ARHGAP31: variants seen among roughly 807,000 people sequenced by gnomAD.
ARHGAP31 encodes Rho GTPase activating protein 31.
In ARHGAP31, 34 loss-of-function variants were observed where a neutral mutation model predicts 113.9. The observed-to-expected ratio is 0.30, with a 90% CI of 0.23 to 0.40. ARHGAP31 has a LOEUF of 0.40. ARHGAP31 is among the 10% of genes least tolerant of loss of function. The pLI, the probability that ARHGAP31 is intolerant of heterozygous loss-of-function variation, is 1.00. For synonymous variants in ARHGAP31, 650 were observed against 684.8 expected (o/e 0.95, Z 0.79); for missense variants, 1,548 against 1,767.1 (o/e 0.88, Z 2.22).
chr3:119,296,678 T>C (rs989841931), intron 1 of ARHGAP31, among the ~76,000 whole-genome samples: 4 of 152,174 alleles, frequency 2.6e-5, no homozygotes, highest in East Asian at 3.9e-4. Context: ...TATGAAGATA[T>C]GTCAAAGGCA....
intron 6 of ARHGAP31, among the ~76,000 whole-genome samples, chr3:119,387,033 G>A (rs2080457335): frequency 1.3e-5 from 2 of 152,174 alleles, no homozygotes; most frequent in Admixed American, 1.3e-4. Context: ...ATAACTGCGG[G>A]CGAGCCTGAC....
intron 1 of ARHGAP31, among the ~76,000 whole-genome samples, chr3:119,330,546 A>G (rs563677752): frequency 5.3e-5 from 8 of 152,106 alleles, no homozygotes; most frequent in African/African-American, 9.7e-5. Flanking sequence ...TCCACCATCA[A>G]TTAGTAAACT....
At chr3:119,356,607 G>T (rs972022737) in intron 1 of ARHGAP31, among the ~76,000 whole-genome samples, 4 of 151,382 alleles carry the variant, frequency 2.6e-5, no homozygotes, top group African/African-American at 9.7e-5. Flanking sequence ...CCCCAGCCTG[G>T]GTGACAGAGT....
At chr3:119,300,174 A>G (rs2079568192) in intron 1 of ARHGAP31, among the ~76,000 whole-genome samples, 1 of 152,234 alleles carries the variant, frequency 6.6e-6, no homozygotes, top group Non-Finnish European at 1.5e-5. Context: ...CAGTGTCCTC[A>G]CTCATGAAAT....
At chr3:119,392,874 G>T (rs1309534775) in intron 7 of ARHGAP31, among the ~76,000 whole-genome samples, 2 of 152,194 alleles carry the variant, frequency 1.3e-5, no homozygotes, top group South Asian at 4.1e-4. Context: ...GCCTGTGGAT[G>T]TCCCAGCAGT....
intron 1 of ARHGAP31, among the ~76,000 whole-genome samples, chr3:119,323,973 G>A (rs1412447445): frequency 6.6e-6 from 1 of 152,070 alleles, no homozygotes; most frequent in Non-Finnish European, 1.5e-5. Flanking sequence ...GAGACAGAGG[G>A]TACACTCGTA....
intron 3 of ARHGAP31, 130 bp downstream of exon 3, chr3:119,368,646 T>A: frequency 8.3e-7 from 1 of 1,205,848 alleles, no homozygotes; most frequent in Admixed American, 2.1e-5. Flanking sequence ...GTGAGGGAAG[T>A]AGGATAATAT....
At chr3:119,350,824 A>AAAAC (rs892887307) in intron 1 of ARHGAP31, among the ~76,000 whole-genome samples, 2 of 152,192 alleles carry the variant, frequency 1.3e-5, no homozygotes, top group Non-Finnish European at 2.9e-5. Flanking sequence ...AAACAAAAAC[A>AAAAC]AAACAAACAA....
rs2107589013 is a variant in ARHGAP31, at chr3:119,294,802, A to C, written c.-103A>C. 8.9e-7 allele frequency: 1 copy of C among 1,117,488 alleles called. No individual in the cohort carries two copies. Among genetic ancestry groups the C allele is most frequent in the Non-Finnish European group, 1.4e-6 (1 of 735,356 alleles). 69.2% of individuals were successfully genotyped at this position (1,117,488 alleles called of 1,614,324 possible). A position where few individuals can be genotyped will look rare whatever the true frequency, so the allele number is the denominator to read the frequency against. ...CTTCCATCTTCCGATGCGGCCCCCCAGAGCCGCGGGGCAGCCGGTGATCTA... is the reference window on the plus strand; with the variant it reads ...CTTCCATCTTCCGATGCGGCCCCCCCGAGCCGCGGGGCAGCCGGTGATCTA... On this transcript the variant is annotated 5_prime_UTR_variant, in exon 1 of 12. Coordinates refer to ENST00000264245, the MANE Select transcript of ARHGAP31 (RefSeq NM_020754.4).
At chr3:119,384,339 T>A (rs1210044532) in intron 6 of ARHGAP31, among the ~76,000 whole-genome samples, 1 of 152,242 alleles carries the variant, frequency 6.6e-6, no homozygotes, top group African/African-American at 2.4e-5. Context: ...TTCACAGAAT[T>A]GTACAACCAT....
At chr3:119,382,544 G>A (rs937013507) in intron 5 of ARHGAP31, 145 bp downstream of exon 5, 1 of 732,094 alleles carries the variant, frequency 1.4e-6, no homozygotes, top group Non-Finnish European at 2.2e-6. Flanking sequence ...ATGAATTAAA[G>A]GTGATTTAGG....
At chr3:119,396,304 T>C (rs2107637922) in intron 8 of ARHGAP31, among the ~76,000 whole-genome samples, 1 of 152,316 alleles carries the variant, frequency 6.6e-6, no homozygotes, top group South Asian at 2.1e-4. Flanking sequence ...TGAGTATTGG[T>C]AATTTTCTAA....
chr3:119,335,952 C>T (rs896599331), intron 1 of ARHGAP31, among the ~76,000 whole-genome samples: 2 of 152,136 alleles, frequency 1.3e-5, no homozygotes, highest in African/African-American at 2.4e-5. Context: ...GTGTGCGGAT[C>T]ACTTGAGGTC....
chr3:119,404,220 G>A (rs2107641969), intron 10 of ARHGAP31, among the ~76,000 whole-genome samples: 1 of 152,340 alleles, frequency 6.6e-6, no homozygotes, highest in South Asian at 2.1e-4. Context: ...CTCTCTGGAA[G>A]AATAGGTCTC....
At chr3:119,340,968 C>CA (rs1369570508) in intron 1 of ARHGAP31, among the ~76,000 whole-genome samples, 1 of 152,186 alleles carries the variant, frequency 6.6e-6, no homozygotes, top group Non-Finnish European at 1.5e-5. Context: ...AGGAGCTGAG[C>CA]AAATGCCTGC....
At position 119,402,311 on chromosome 3, in the gene ARHGAP31, C is replaced by T. The variant is rs758325054; in HGVS notation, c.1559C>T (p.Ser520Phe). The change falls in exon 10 of 12, where the codon TCC becomes TTC. Residue 520 changes from serine to phenylalanine, a missense_variant. By Grantham distance (155) the Ser-to-Phe change is radical. Transcript: ENST00000264245. The stretch of plus-strand genomic sequence containing the variant: ...CCCCCGAAGGAGCTGCAGTCTCTTT[C>T]CAGCCTGGAAGAGTTTTCTTTTCAT... ...RTPPKELQSL[S>F]SLEEFSFHGS... The T allele has an allele frequency of 2.5e-6, 4 of 1,614,238 alleles. No homozygotes were observed. The South Asian group carries it at 3.3e-5, about 13-fold the overall frequency.
Position 119,414,709 on chromosome 3 carries a change from A to G in ARHGAP31, c.2780A>G (p.His927Arg). The change falls in exon 12 of 12, where the codon CAC becomes CGC. Residue 927 changes from histidine (H) to arginine (R), a missense_variant. By Grantham distance (29) the His-to-Arg change is conservative. Coordinates refer to ENST00000264245, the MANE Select transcript of ARHGAP31 (RefSeq NM_020754.4). The part of the protein sequence containing the change: ...PLHSPTLKDA[H>R]KAQVQGLQGH... ...CACTCTCCCACCCTGAAAGACGCGC[A>G]CAAGGCCCAGGTACAGGGCCTTCAG... is the stretch of plus-strand genomic sequence containing the variant. 6.2e-7 allele frequency: 1 copy of G among 1,614,212 alleles called. No homozygotes were observed. The highest frequency in any genetic ancestry group is 1.1e-5 in the South Asian group (1 of 91,086).
Position 119,401,694 on chromosome 3 carries a change from G to A in ARHGAP31, c.1070-128G>A, listed in dbSNP as rs1016706942. The A allele has an allele frequency of 1.1e-5, 9 of 824,648 alleles. No individual in the cohort carries two copies. In the African/African-American group the frequency reaches 1.5e-4, roughly 14 times the overall value. 51.1% of individuals were successfully genotyped at this position (824,648 alleles called of 1,614,324 possible). A position where few individuals can be genotyped will look rare whatever the true frequency, so the allele number is the denominator to read the frequency against. Reference sequence around the variant, plus strand: ...CCAGATGTTACCTGTCTTTATCTGGGCGGTTATGCCCCTGTTAGAATGCTG... The same window carrying A: ...CCAGATGTTACCTGTCTTTATCTGGACGGTTATGCCCCTGTTAGAATGCTG... On this transcript the variant is annotated intron_variant, in intron 9 of 11. Coordinates refer to ENST00000264245, the MANE Select transcript of ARHGAP31 (RefSeq NM_020754.4).
At chr3:119,407,850 G>T (rs546762180) in intron 10 of ARHGAP31, among the ~76,000 whole-genome samples, 1 of 152,112 alleles carries the variant, frequency 6.6e-6, no homozygotes, top group East Asian at 1.9e-4. Flanking sequence ...TATATACAGT[G>T]GGCCCTCGAC....
Sources: gnomAD v4.1 joint callset for allele counts (sites outside exome capture counted in the v4.1 genomes callset) on GRCh38, gnomAD v4.1.1 for gene constraint, MANE v1.5 for transcripts, NCBI Gene and HGNC (gene_info 2026-07-23, HGNC 2026-07-21) for gene names.